The following CPQ variants were observed in gnomAD, a reference collection of about 807,000 sequenced individuals.
CPQ encodes the protein carboxypeptidase Q.
In CPQ, 37 loss-of-function variants were observed where a neutral mutation model predicts 45.7. That is an observed-to-expected ratio of 0.81 (90% CI 0.62 to 1.07). CPQ has a LOEUF of 1.07. CPQ is among the 50% of genes least tolerant of loss of function. The pLI, the probability that CPQ is intolerant of heterozygous loss-of-function variation, is 0.00. For missense variants in CPQ, 537 were observed against 572.9 expected, an observed-to-expected ratio of 0.94 and a Z score of 0.64; for synonymous variants, 186 against 205.8, an observed-to-expected ratio of 0.90 and a Z score of 0.82.
intron 2 of CPQ, among the ~76,000 whole-genome samples, chr8:96,802,430 G>A (rs1013626068): frequency 1.3e-5 from 2 of 152,186 alleles, no homozygotes; most frequent in African/African-American, 4.8e-5. Flanking sequence ...AAAAGAGTCA[G>A]TGCCATTTTG....
intron 1 of CPQ, among the ~76,000 whole-genome samples, chr8:96,730,445 T>G: frequency 6.6e-6 from 1 of 151,516 alleles, no homozygotes; most frequent in Non-Finnish European, 1.5e-5. Context: ...GGACCAAGAG[T>G]CTTGGGAGAA....
chr8:96,989,324 G>A (rs950002868), intron 5 of CPQ, among the ~76,000 whole-genome samples: 1 of 151,784 alleles, frequency 6.6e-6, no homozygotes, highest in Non-Finnish European at 1.5e-5. Context: ...TTCTATCAAA[G>A]GCTTGTACAG....
chr8:96,726,682 C>T (rs928342583), intron 1 of CPQ, among the ~76,000 whole-genome samples: 28 of 152,156 alleles, frequency 1.8e-4, no homozygotes, highest in Non-Finnish European at 2.9e-4. Flanking sequence ...AATCACCTCC[C>T]ACCAGGCCCC....
intron 1 of CPQ, among the ~76,000 whole-genome samples, chr8:96,724,080 A>G (rs146511222): frequency 1.1e-3 from 162 of 151,756 alleles, no homozygotes; most frequent in Middle Eastern, 3.4e-3. Context: ...TCTGGACCCT[A>G]TGTTTCTATT....
chr8:96,682,611 A>G (rs1436606111), intron 1 of CPQ, among the ~76,000 whole-genome samples: 2 of 152,166 alleles, frequency 1.3e-5, no homozygotes, highest in Non-Finnish European at 2.9e-5. Context: ...TGTTTTATAT[A>G]TCTAGGTGCT....
At chr8:97,124,165 GC>G (rs1811804435) in intron 7 of CPQ, among the ~76,000 whole-genome samples, 1 of 134,814 alleles carries the variant, frequency 7.4e-6, no homozygotes, top group Admixed American at 8.6e-5. Context: ...GGTGGAGGTT[GC>G]AGTGAGCCGA....
intron 6 of CPQ, 41 bp downstream of exon 6, chr8:97,029,535 A>AC: frequency 1.3e-6 from 2 of 1,490,518 alleles, no homozygotes; most frequent in Non-Finnish European, 1.8e-6. Flanking sequence ...TTGTACATGT[A>AC]ATATACAAAA....
At chr8:96,774,805 G>A (rs1810586457) in intron 1 of CPQ, among the ~76,000 whole-genome samples, 1 of 152,132 alleles carries the variant, frequency 6.6e-6, no homozygotes, top group Non-Finnish European at 1.5e-5. Context: ...CATAGTCATA[G>A]GTCTTGCTTA....
chr8:96,901,391 GCAGAGTCTGCCTCCTGGGGAA>G (rs1812510665), intron 4 of CPQ, among the ~76,000 whole-genome samples: 1 of 152,128 alleles, frequency 6.6e-6, no homozygotes. Context: ...CAACTCTGAT[GCAGAGTCTGCCTCCTGGGGAA>G]CCAAGCCTGC....
chr8:96,925,554 T>C (rs1812861457), intron 4 of CPQ, among the ~76,000 whole-genome samples: 2 of 152,066 alleles, frequency 1.3e-5, no homozygotes, highest in Non-Finnish European at 2.9e-5. Context: ...AGCTAATATT[T>C]GTATTTTTAG....
intron 4 of CPQ, among the ~76,000 whole-genome samples, chr8:96,945,142 G>C (rs1813172928): frequency 6.6e-6 from 1 of 152,132 alleles, no homozygotes; most frequent in African/African-American, 2.4e-5. Context: ...AGTGCTCTAA[G>C]GAACCAGGGA....
At chr8:96,820,241 G>A (rs1456813040) in intron 2 of CPQ, among the ~76,000 whole-genome samples, 1 of 152,026 alleles carries the variant, frequency 6.6e-6, no homozygotes, top group African/African-American at 2.4e-5. Context: ...TTTTCATAAA[G>A]CAGCAGTGAT....
chr8:96,950,663 A>G (rs1813249920), intron 4 of CPQ, among the ~76,000 whole-genome samples: 1 of 152,154 alleles, frequency 6.6e-6, no homozygotes, highest in Admixed American at 6.5e-5. Flanking sequence ...CACTTTTACC[A>G]AGAACATACA....
At chr8:96,746,446 G>T (rs1005847969) in intron 1 of CPQ, among the ~76,000 whole-genome samples, 24 of 152,140 alleles carry the variant, frequency 1.6e-4, no homozygotes, top group Non-Finnish European at 3.2e-4. Context: ...CCATGTGAAG[G>T]CCAAGAGCCC....
chr8:96,722,373 G>A (rs898031436), intron 1 of CPQ, among the ~76,000 whole-genome samples: 2 of 152,058 alleles, frequency 1.3e-5, no homozygotes, highest in African/African-American at 4.8e-5. Context: ...GATCTGGCCT[G>A]CTCTCTGCTT....
intron 1 of CPQ, among the ~76,000 whole-genome samples, chr8:96,764,058 T>A (rs1443751916): frequency 6.6e-6 from 1 of 152,180 alleles, no homozygotes; most frequent in East Asian, 1.9e-4. Context: ...AGAGTACAAA[T>A]AAATGTTTTA....
intron 1 of CPQ, among the ~76,000 whole-genome samples, chr8:96,703,775 T>C (rs113277434): frequency 0.023 from 3,451 of 152,252 alleles, 143 homozygotes; most frequent in African/African-American, 0.079. Context: ...ATCAGCCACT[T>C]GTATGGGTAT....
intron 1 of CPQ, among the ~76,000 whole-genome samples, chr8:96,712,115 A>G (rs1162157037): frequency 6.6e-6 from 1 of 152,170 alleles, no homozygotes; most frequent in Non-Finnish European, 1.5e-5. Context: ...TAAAGTTACA[A>G]AATGATCTCC....
chr8:97,084,631 A>C (rs1045755207), intron 7 of CPQ, among the ~76,000 whole-genome samples: 13 of 152,196 alleles, frequency 8.5e-5, no homozygotes, highest in Non-Finnish European at 4.4e-5. Context: ...AGTGCCATTC[A>C]TAGAATGGCA....
Sources: allele counts gnomAD v4.1 joint callset (sites outside exome capture counted in the v4.1 genomes callset), GRCh38; gene constraint gnomAD v4.1.1; transcripts MANE v1.5; gene names NCBI Gene and HGNC (gene_info 2026-07-23, HGNC 2026-07-21).